NDRG2: variants seen among roughly 807,000 people sequenced by gnomAD.
The protein encoded by NDRG2 is protein NDRG2.
A neutral mutation model predicts 58.2 loss-of-function variants in NDRG2; 34 were observed. The ratio of observed to expected loss-of-function variants is 0.58; its 90% confidence interval spans 0.44 to 0.78. The LOEUF (loss-of-function observed/expected upper bound fraction) is 0.78, where lower values mean the gene tolerates loss of function less well. NDRG2 is among the 30% of genes least tolerant of loss of function. The pLI, the probability that NDRG2 is intolerant of heterozygous loss-of-function variation, is 0.00. For missense variants in NDRG2, 434 were observed against 471.2 expected, an observed-to-expected ratio of 0.92 and a Z score of 0.73; for synonymous variants, 187 against 175.9, an observed-to-expected ratio of 1.06 and a Z score of -0.50.
chr14:21,058,075 A>T, intron 1 of NDRG2: 1 of 1,614,168 alleles, frequency 6.2e-7, no homozygotes, highest in Non-Finnish European at 8.5e-7. Flanking sequence ...ATAAGTACAC[A>T]GAACGGTGCA....
At chr14:21,068,402 T>G (rs960402432) in intron 1 of NDRG2, among the ~76,000 whole-genome samples, 6 of 150,322 alleles carry the variant, frequency 4.0e-5, no homozygotes, top group African/African-American at 1.5e-4. Flanking sequence ...TACCTAAGAG[T>G]AGTGAGCCTT....
intron 1 of NDRG2, among the ~76,000 whole-genome samples, chr14:21,037,960 A>G (rs1057041229): frequency 1.3e-5 from 2 of 152,146 alleles, no homozygotes; most frequent in Admixed American, 6.5e-5. Flanking sequence ...ACTGAGGAGA[A>G]CCCCAAAATT....
intron 1 of NDRG2, chr14:21,033,756 C>A: frequency 1.8e-6 from 2 of 1,105,772 alleles, no homozygotes; most frequent in Non-Finnish European, 2.8e-6. Flanking sequence ...TTACAGGGAT[C>A]AGAGTGTTGG....
intron 1 of NDRG2, among the ~76,000 whole-genome samples, chr14:21,065,480 C>T (rs1886213925): frequency 6.6e-6 from 1 of 152,144 alleles, no homozygotes; most frequent in Non-Finnish European, 1.5e-5. Context: ...TCCCTCATTT[C>T]ATAAAGTTTA....
At chr14:21,043,106 G>A in intron 1 of NDRG2, 1 of 1,614,136 alleles carries the variant, frequency 6.2e-7, no homozygotes, top group Non-Finnish European at 8.5e-7. Flanking sequence ...CATCACAGTG[G>A]TTTAAAATTC....
At chr14:21,035,180 C>G (rs1300260705) in intron 1 of NDRG2, among the ~76,000 whole-genome samples, 1 of 152,244 alleles carries the variant, frequency 6.6e-6, no homozygotes, top group African/African-American at 2.4e-5. Flanking sequence ...CCCACGGTCC[C>G]TATCAGCCTT....
At chr14:21,030,884 C>A in intron 1 of NDRG2, 1 of 1,507,054 alleles carries the variant, frequency 6.6e-7, no homozygotes, top group East Asian at 2.3e-5. Context: ...GCTGTGCTAT[C>A]CTTTGTCTTC....
intron 1 of NDRG2, chr14:21,031,227 C>T (rs753669989): frequency 1.3e-6 from 2 of 1,565,164 alleles, no homozygotes; most frequent in Non-Finnish European, 1.7e-6. Flanking sequence ...TCCAGTCTAC[C>T]CTCCCTAACC....
intron 1 of NDRG2, among the ~76,000 whole-genome samples, chr14:21,069,144 C>A (rs56713959): frequency 0.038 from 5,794 of 152,322 alleles, 111 homozygotes; most frequent in South Asian, 0.077. Flanking sequence ...CTTCCCGGTG[C>A]CTGCTCAGAG....
At chr14:21,046,973 A>C (rs928485955) in intron 1 of NDRG2, 1 of 152,462 alleles carries the variant, frequency 6.6e-6, no homozygotes, top group Non-Finnish European at 1.5e-5. Context: ...TTGCTGTCTC[A>C]GGGATGGCAG....
At chr14:21,049,879 C>T (rs113854597) in intron 1 of NDRG2, among the ~76,000 whole-genome samples, 2,182 of 151,852 alleles carry the variant, frequency 0.014, 41 homozygotes, top group African/African-American at 0.045. Flanking sequence ...CAGGTTCAAG[C>T]GATTCACCTA....
At chr14:21,031,819 C>A in intron 1 of NDRG2, 3 of 1,506,898 alleles carry the variant, frequency 2.0e-6, no homozygotes, top group Non-Finnish European at 2.7e-6. Flanking sequence ...CTAAGTATCT[C>A]GGGCCATCTT....
chr14:21,051,330 A>G (rs752887194), intron 1 of NDRG2, among the ~76,000 whole-genome samples: 16 of 152,252 alleles, frequency 1.1e-4, no homozygotes, highest in Non-Finnish European at 2.1e-4. Flanking sequence ...ACTGGAACAT[A>G]GAAAAGCCTC....
chr14:21,017,610 C>T lies in NDRG2; in HGVS notation c.1102G>A (p.Glu368Lys), dbSNP rs980566113. ...LSSGPPGHTM[E>K]VSC ...ACAAGGGCCATTCAACAGGAGACCT[C>T]CATGGTGTGCCCCGGGGGCCCCGAA... The change falls in exon 16 of 16, where the codon GAG becomes AAG. Residue 368 changes from glutamate to lysine, a missense_variant. By Grantham distance (56) the Glu-to-Lys change is moderately conservative. Transcript: ENST00000556147. 1 of 1,613,710 alleles carries T rather than the reference C, an allele frequency of 6.2e-7. No individual in the cohort carries two copies.
chr14:21,024,488 A>C lies in NDRG2; in HGVS notation c.-465T>G, dbSNP rs1229814038. 1 of 983,782 alleles carries C rather than the reference A, an allele frequency of 1.0e-6. No homozygotes were observed. Among genetic ancestry groups the C allele is most frequent in the Non-Finnish European group, 1.2e-6 (1 of 828,542 alleles). 60.9% of individuals were successfully genotyped at this position (983,782 alleles called of 1,614,324 possible). On this transcript the variant is annotated 5_prime_UTR_variant, in exon 1 of 16. Transcript: ENST00000556147. ...AAACGCGGGGGAATAGGGGATCCCC[A>C]AAATTTTTGACAGCTCTCCAGTAAG...
intron 1 of NDRG2, among the ~76,000 whole-genome samples, chr14:21,041,354 G>T (rs143204654): frequency 2.0e-5 from 3 of 152,116 alleles, no homozygotes; most frequent in Non-Finnish European, 2.9e-5. Flanking sequence ...GTAGATGCTC[G>T]ATAAATGTTT....
intron 6 of NDRG2, 190 bp downstream of exon 6, chr14:21,021,627 C>T (rs1359195674): frequency 1.9e-5 from 12 of 648,080 alleles, no homozygotes; most frequent in Non-Finnish European, 3.2e-5. Flanking sequence ...TAGGGCTATT[C>T]TGTTGACTCT....
chr14:21,029,968 C>A (rs1314293049), upstream of NDRG2, among the ~76,000 whole-genome samples: 1 of 152,222 alleles, frequency 6.6e-6, no homozygotes, highest in Non-Finnish European at 1.5e-5. Flanking sequence ...CTCGCCTCAG[C>A]TTCTGTTGTG....
At chr14:21,031,984 C>G (rs1884223436) in intron 1 of NDRG2, 1 of 1,614,146 alleles carries the variant, frequency 6.2e-7, no homozygotes, top group Non-Finnish European at 8.5e-7. Context: ...GTGGCAAGGG[C>G]AAGGGCATTG....
Sources: allele counts gnomAD v4.1 joint callset (sites outside exome capture counted in the v4.1 genomes callset), GRCh38; gene constraint gnomAD v4.1.1; transcripts MANE v1.5; gene names NCBI Gene and HGNC (gene_info 2026-07-23, HGNC 2026-07-21).